Variants in DOCK9 observed in about 807,000 individuals in gnomAD.
The protein encoded by DOCK9 is dedicator of cytokinesis protein 9.
In DOCK9, 89 loss-of-function variants were observed where a neutral mutation model predicts 263.3. That is an observed-to-expected ratio of 0.34 (90% CI 0.28 to 0.40). The LOEUF (loss-of-function observed/expected upper bound fraction) is 0.40, where lower values mean the gene tolerates loss of function less well. DOCK9 is among the 10% of genes least tolerant of loss of function. DOCK9 has a pLI of 1.00. For synonymous variants in DOCK9, 976 were observed against 973.1 expected, an observed-to-expected ratio of 1.00 and a Z score of -0.06; for missense variants, 2,140 against 2,603.4, an observed-to-expected ratio of 0.82 and a Z score of 3.87.
chr13:98,962,645 A>G (rs2058767766), intron 1 of DOCK9, among the ~76,000 whole-genome samples: 1 of 152,056 alleles, frequency 6.6e-6, no homozygotes, highest in Non-Finnish European at 1.5e-5. Context: ...TTTAAAAAAA[A>G]AAAAAAGAAA....
chr13:98,917,644 C>CT (rs1334840163), intron 7 of DOCK9, among the ~76,000 whole-genome samples: 18,423 of 117,286 alleles, frequency 0.16, 1,337 homozygotes, highest in South Asian at 0.29. Flanking sequence ...CTTTTTTTTT[C>CT]TTTTTTTTTT....
rs748754950 is a variant in DOCK9 at position 98,829,420 on chromosome 13, G to A, written c.4852C>T (p.Leu1618=). 1.9e-6 allele frequency: 3 copies of A among 1,613,966 alleles called. No homozygotes were observed. The South Asian group carries it at 3.3e-5, about 18-fold the overall frequency. Residue 1618 remains leucine, a synonymous_variant, in exon 43 of 53, where the codon CTG becomes TTG. Coordinates refer to ENST00000682017, the MANE Select transcript of DOCK9 (RefSeq NM_001366683.2). The surrounding 1 kb of genome is among the most constrained non-coding windows in gnomAD (Gnocchi z 4.1). The part of the protein sequence containing the change: ...MKEHENDPEM[L]VDLQYSLAKS... ...GCCAGGCTGTACTGGAGGTCCACCA[G>A]CATCTCTGGGTCGTTCTCATGCTCC... is the stretch of plus-strand genomic sequence containing the variant.
intron 21 of DOCK9, among the ~76,000 whole-genome samples, chr13:98,884,279 G>A (rs1027759811): frequency 3.3e-5 from 5 of 152,210 alleles, no homozygotes; most frequent in Non-Finnish European, 5.9e-5. Context: ...CCTGGCACAG[G>A]CAAAGGGTCA....
Position 98,881,555 on chromosome 13 carries a change from T to C in DOCK9, c.2745+3A>G. ...AGTGATCAGAACAGTGTGTTTTACA[T>C]ACCTTAACATATGACCTCAAGTGGC... On this transcript the variant is annotated splice_donor_region_variant and intron_variant, in intron 25 of 52. Coordinates refer to ENST00000682017, the MANE Select transcript of DOCK9 (RefSeq NM_001366683.2). The C allele has an allele frequency of 6.3e-7, 1 of 1,599,410 alleles. No individual in the cohort carries two copies. Among genetic ancestry groups the C allele is most frequent in the South Asian group, 1.1e-5 (1 of 87,560 alleles).
At chr13:98,952,817 CA>C (rs1270659216) in intron 2 of DOCK9, among the ~76,000 whole-genome samples, 1 of 152,162 alleles carries the variant, frequency 6.6e-6, no homozygotes, top group African/African-American at 2.4e-5. Context: ...AAATGGACAC[CA>C]AGTTCTATTA....
chr13:98,983,271 G>A (rs942970365), intron 1 of DOCK9, among the ~76,000 whole-genome samples: 16 of 152,162 alleles, frequency 1.1e-4, no homozygotes, highest in African/African-American at 3.9e-4. Flanking sequence ...GAAAACAAAT[G>A]ACTAAAGATT....
intron 9 of DOCK9, among the ~76,000 whole-genome samples, chr13:98,906,338 G>A (rs552922967): frequency 6.6e-6 from 1 of 152,310 alleles, no homozygotes; most frequent in Admixed American, 6.5e-5. Flanking sequence ...ACAGATGGTG[G>A]CAGAGATGAG....
intron 15 of DOCK9, among the ~76,000 whole-genome samples, chr13:98,896,686 C>G (rs1466836725): frequency 6.6e-6 from 1 of 152,182 alleles, no homozygotes; most frequent in Non-Finnish European, 1.5e-5. Flanking sequence ...TAGGATGTAG[C>G]AGCAAAACAG....
chr13:98,942,269 G>C (rs569575492), intron 2 of DOCK9, among the ~76,000 whole-genome samples: 2 of 139,992 alleles, frequency 1.4e-5, no homozygotes, highest in Non-Finnish European at 1.5e-5. Flanking sequence ...ACAGAGTCTC[G>C]CTCTGTCCCC....
chr13:98,833,414 G>A lies in DOCK9; in HGVS notation c.4315-1628C>T, dbSNP rs147616780. Among the ~76,000 whole-genome samples the A allele has an allele frequency of 1.7e-3, 266 of 152,232 alleles. 1 individual carries two copies. The highest frequency in any genetic ancestry group is 6.0e-3 in the African/African-American group (250 of 41,552). ...TTTGCTGAGGCTATCCAGGAGATAC[G>A]GTTTCTACAAAAATTCCCAAGCTTC... On this transcript the variant is annotated intron_variant, in intron 39 of 52. Coordinates refer to ENST00000682017, the MANE Select transcript of DOCK9 (RefSeq NM_001366683.2).
At chr13:98,973,213 C>A (rs1475780948) in intron 1 of DOCK9, among the ~76,000 whole-genome samples, 45 of 152,184 alleles carry the variant, frequency 3.0e-4, no homozygotes, top group Non-Finnish European at 1.5e-5. Flanking sequence ...AGGCTATTGT[C>A]TAAGCATAAT....
intron 2 of DOCK9, among the ~76,000 whole-genome samples, chr13:98,931,444 G>A (rs1239560738): frequency 4.6e-5 from 7 of 151,870 alleles, no homozygotes; most frequent in South Asian, 2.1e-4. Context: ...GACTACAGGC[G>A]CCTGCCACCA....
At chr13:99,043,590 C>T (rs1386436955) in intron 1 of DOCK9, among the ~76,000 whole-genome samples, 2 of 152,082 alleles carry the variant, frequency 1.3e-5, no homozygotes, top group Non-Finnish European at 2.9e-5. Context: ...AGGGAGGCTG[C>T]CAAACAGGTC....
intron 7 of DOCK9, 49 bp downstream of exon 7, chr13:98,920,905 C>A: frequency 6.6e-7 from 1 of 1,522,448 alleles, no homozygotes; most frequent in Non-Finnish European, 8.8e-7. Context: ...TACACATAAG[C>A]ACTACTGCAG....
At chr13:98,933,227 T>C (rs1242092171) in intron 2 of DOCK9, among the ~76,000 whole-genome samples, 1 of 152,184 alleles carries the variant, frequency 6.6e-6, no homozygotes, top group East Asian at 1.9e-4. Context: ...AGAAAAACTT[T>C]ATGACAAAAA....
chr13:98,988,525 G>T lies in DOCK9; in HGVS notation c.130-32974C>A, dbSNP rs142973675. Among the ~76,000 whole-genome samples, 9 of 152,270 alleles carry T rather than the reference G, an allele frequency of 5.9e-5. No individual in the cohort carries two copies. The East Asian group carries it at 1.5e-3, about 26-fold the overall frequency. On this transcript the variant is annotated intron_variant, in intron 1 of 32. Coordinates refer to the DOCK9 transcript ENST00000427887. ...TCAAGGTCAGAGCTGTCACGTGGCA[G>T]AACTACTTTAAACAGATTCTTTAGA... is the stretch of plus-strand genomic sequence containing the variant.
At chr13:98,981,317 A>G (rs992333747), upstream of DOCK9, among the ~76,000 whole-genome samples, 3 of 152,184 alleles carry the variant, frequency 2.0e-5, no homozygotes, top group African/African-American at 7.2e-5. Context: ...TTGGCCTCCC[A>G]AAGTGTGGGG....
At chr13:98,848,787 G>A (rs1232900253) in intron 36 of DOCK9, 148 bp from the exon 37 acceptor site, 1 of 835,732 alleles carries the variant, frequency 1.2e-6, no homozygotes, top group African/African-American at 1.7e-5. Context: ...ATGGTTTTTG[G>A]GAGTCCTCTG....
At chr13:98,978,718 A>G (rs1467486276), upstream of DOCK9, among the ~76,000 whole-genome samples, 1 of 152,188 alleles carries the variant, frequency 6.6e-6, no homozygotes, top group Non-Finnish European at 1.5e-5. Flanking sequence ...TAAAAGTATA[A>G]GGTAGAGTAT....
Sources: allele counts gnomAD v4.1 joint callset (sites outside exome capture counted in the v4.1 genomes callset), GRCh38; gene constraint gnomAD v4.1.1; non-coding constraint Gnocchi (gnomAD v3.1); transcripts MANE v1.5; gene names NCBI Gene and HGNC (gene_info 2026-07-23, HGNC 2026-07-21).